ACTN4: variants seen among roughly 807,000 people sequenced by gnomAD.
ACTN4 encodes alpha-actinin-4.
A neutral mutation model predicts 114.2 loss-of-function variants in ACTN4; 18 were observed. The ratio of observed to expected loss-of-function variants is 0.16; its 90% CI spans 0.11 to 0.23. The LOEUF (loss-of-function observed/expected upper bound fraction) is 0.23, where lower values mean the gene tolerates loss of function less well. Among genes scored for constraint, ACTN4 ranks in the 10% least tolerant of loss-of-function variants. ACTN4 has a pLI of 1.00. For missense variants in ACTN4, 722 were observed against 1,262.9 expected (o/e 0.57, Z 6.49); for synonymous variants, 515 against 506.3 (o/e 1.02, Z -0.23).
chr19:38,694,262 T>C (rs898907467), intron 1 of ACTN4, among the ~76,000 whole-genome samples: 4 of 145,046 alleles, frequency 2.8e-5, no homozygotes, highest in African/African-American at 1.0e-4. Context: ...GGCTGGGGCC[T>C]TCTTTTTTTT....
In ACTN4 at chr19:38,647,713, G is replaced by T. The variant is rs1976424972; in HGVS notation, c.-33G>T. On this transcript the variant is annotated 5_prime_UTR_variant, in exon 1 of 21. Transcript: ENST00000252699. Reference sequence around the variant, plus strand: ...GAGGGGCGGGAGCTGAGGCGGGAGCGGACAGGCTGGTGGGCGAGCGAGAGG... The same window carrying T: ...GAGGGGCGGGAGCTGAGGCGGGAGCTGACAGGCTGGTGGGCGAGCGAGAGG... The T allele has an allele frequency of 6.5e-7, 1 of 1,528,138 alleles. No individual in the cohort carries two copies. Among genetic ancestry groups the T allele is most frequent in the Non-Finnish European group, 8.8e-7 (1 of 1,138,434 alleles). The allele number at this position is 1,528,138 out of a possible 1,614,324, so 94.7% of individuals were successfully genotyped here.
intron 1 of ACTN4, among the ~76,000 whole-genome samples, chr19:38,691,851 C>T (rs967773737): frequency 5.3e-5 from 8 of 152,024 alleles, no homozygotes; most frequent in Non-Finnish European, 8.8e-5. Flanking sequence ...TGCAGTGAGC[C>T]GAGATCATGC....
intron 1 of ACTN4, among the ~76,000 whole-genome samples, chr19:38,688,054 A>G (rs1439131999): frequency 7.2e-6 from 1 of 138,298 alleles, no homozygotes; most frequent in East Asian, 2.1e-4. Context: ...CATAACCACT[A>G]CAAATGGTCA....
intron 9 of ACTN4, among the ~76,000 whole-genome samples, chr19:38,715,222 C>T (rs1013254455): frequency 2.0e-5 from 3 of 152,288 alleles, no homozygotes; most frequent in East Asian, 1.9e-4. Flanking sequence ...GTAGGCTGGG[C>T]GCAGTGGCTC....
chr19:38,728,573 A>G (rs1020847260), intron 19 of ACTN4, among the ~76,000 whole-genome samples: 1 of 151,550 alleles, frequency 6.6e-6, no homozygotes, highest in African/African-American at 2.4e-5. Flanking sequence ...GGTCCCTCCG[A>G]TGACTTCCCG....
At chr19:38,665,677 T>A (rs1966934586) in intron 1 of ACTN4, among the ~76,000 whole-genome samples, 1 of 152,204 alleles carries the variant, frequency 6.6e-6, no homozygotes, top group East Asian at 1.9e-4. Context: ...CCCCAGCCCC[T>A]GCATCCATCT....
At chr19:38,711,256 T>C (rs916641471) in intron 8 of ACTN4, 10 of 974,178 alleles carry the variant, frequency 1.0e-5, no homozygotes, top group East Asian at 1.0e-4. Flanking sequence ...CTCTCTCTCT[T>C]TCTCTCTCTC....
In ACTN4 at chr19:38,724,754, G is replaced by A. The variant is rs1441704185; in HGVS notation, c.2010+189G>A. On this transcript the variant is annotated intron_variant, in intron 16 of 20. Transcript: ENST00000252699. The surrounding 1 kb of genome is among the most constrained non-coding windows in gnomAD (Gnocchi z 7.0). ...CCACAGAGCTTGCGCCTGGAATCCC[G>A]GCACCTGGGGAGGCTGAGGCGGGCG... 2.0e-5 allele frequency among the ~76,000 whole-genome samples: 3 copies of A among 152,218 alleles called. No homozygotes were observed. The highest frequency in any genetic ancestry group is 7.2e-5 in the African/African-American group (3 of 41,450).
chr19:38,672,299 G>C (rs1599777648), intron 1 of ACTN4, among the ~76,000 whole-genome samples: 1 of 142,848 alleles, frequency 7.0e-6, no homozygotes, highest in East Asian at 2.1e-4. Flanking sequence ...GGAGTACAGT[G>C]GCGTGATATC....
Position 38,731,442 on chromosome 19 carries a change from T to C in ACTN4, c.*2010T>C, listed in dbSNP as rs1969602724. The C allele has an allele frequency of 1.7e-6, 1 of 587,866 alleles. No individual in the cohort carries two copies. Among genetic ancestry groups the C allele is most frequent in the Non-Finnish European group, 3.1e-6 (1 of 326,528 alleles). 36.4% of individuals were successfully genotyped at this position (587,866 alleles called of 1,614,324 possible). ...AAGACAGCCCCGACCCCATAGGGTG[T>C]GTGAAGACAGAACGCTCAGGACAGC... is the stretch of plus-strand genomic sequence containing the variant. On this transcript the variant is annotated 3_prime_UTR_variant, in exon 21 of 21. Transcript: ENST00000252699.
chr19:38,696,655 A>G (rs946823812), intron 1 of ACTN4, among the ~76,000 whole-genome samples: 1 of 152,210 alleles, frequency 6.6e-6, no homozygotes, highest in South Asian at 2.1e-4. Flanking sequence ...TCTCCTCACC[A>G]GAGCTGAGGG....
chr19:38,669,425 C>T (rs1399163463), intron 1 of ACTN4, among the ~76,000 whole-genome samples: 1 of 152,218 alleles, frequency 6.6e-6, no homozygotes, highest in African/African-American at 2.4e-5. Flanking sequence ...TCAATGGCAT[C>T]TGAAGAATTT....
intron 19 of ACTN4, chr19:38,728,370 G>GGA: frequency 7.1e-7 from 1 of 1,399,894 alleles, no homozygotes; most frequent in Non-Finnish European, 9.5e-7. Flanking sequence ...TATCTCCACA[G>GGA]GATACAGCCT....
At position 38,706,015 on chromosome 19, in the gene ACTN4, A is replaced by T. The variant is rs374307321; in HGVS notation, c.485-29A>T. Reference sequence around the variant, plus strand: ...AGTTCTGAGGGTTTATTTTTGAGCCAGTGCTCACTGTCTTTGTGTGTTTTG... The same window carrying T: ...AGTTCTGAGGGTTTATTTTTGAGCCTGTGCTCACTGTCTTTGTGTGTTTTG... On this transcript the variant is annotated intron_variant, in intron 4 of 20. Transcript: ENST00000252699. The T allele has an allele frequency of 4.8e-5, 78 of 1,612,018 alleles. 1 individual carries two copies. The African/African-American group carries it at 9.9e-4, about 20-fold the overall frequency.
At chr19:38,680,426 C>T (rs1276908634) in intron 1 of ACTN4, among the ~76,000 whole-genome samples, 2 of 151,914 alleles carry the variant, frequency 1.3e-5, no homozygotes, top group East Asian at 1.9e-4. Context: ...GTGATCTGGC[C>T]GCCTTTGGCT....
At position 38,724,204 on chromosome 19, in the gene ACTN4, C is replaced by T. The variant is rs558343166; in HGVS notation, c.1740C>T (p.Ala580=). 50 of 1,613,874 alleles carry T rather than the reference C, an allele frequency of 3.1e-5. No homozygotes were observed. Among genetic ancestry groups the T allele is most frequent in the Admixed American group, 1.7e-4 (10 of 60,028 alleles). ...HDQFKSTLPD[A]DREREAILAI... ...AGTTCAAGTCCACCCTGCCGGACGC[C>T]GATAGGGAGCGCGAGGCCATCCTGG... The change falls in exon 15 of 21, where the codon GCC becomes GCT. Residue 580 remains alanine (A), a synonymous_variant. Transcript: ENST00000252699. The surrounding 1 kb of genome is among the most constrained non-coding windows in gnomAD (Gnocchi z 7.0).
chr19:38,692,641 T>G (rs771115182), intron 1 of ACTN4, among the ~76,000 whole-genome samples: 1 of 152,210 alleles, frequency 6.6e-6, no homozygotes, highest in Non-Finnish European at 1.5e-5. Context: ...CCGTTTCTGC[T>G]TTCAGGAACT....
chr19:38,663,621 G>A (rs1725560125), intron 1 of ACTN4, among the ~76,000 whole-genome samples: 1 of 152,244 alleles, frequency 6.6e-6, no homozygotes, highest in South Asian at 2.1e-4. Context: ...CCGAGGGCAA[G>A]TATTAGGGGG....
intron 1 of ACTN4, among the ~76,000 whole-genome samples, chr19:38,676,490 G>A (rs1226807551): frequency 6.6e-6 from 1 of 152,214 alleles, no homozygotes; most frequent in African/African-American, 2.4e-5. Context: ...CTGGAGACGT[G>A]GCTGAGGGAG....
Sources: gnomAD v4.1 joint callset for allele counts (sites outside exome capture counted in the v4.1 genomes callset) on GRCh38, gnomAD v4.1.1 for gene constraint, Gnocchi (gnomAD v3.1) non-coding constraint, MANE v1.5 for transcripts, NCBI Gene and HGNC (gene_info 2026-07-23, HGNC 2026-07-21) for gene names.